ARHGAP15: variants seen among roughly 807,000 people sequenced by gnomAD.
ARHGAP15 encodes the protein rho GTPase-activating protein 15.
A neutral mutation model predicts 63.7 loss-of-function variants in ARHGAP15; 51 were observed. The observed-to-expected ratio is 0.80, with a 90% CI of 0.64 to 1.01. ARHGAP15 has a LOEUF of 1.01. Ranked by LOEUF, ARHGAP15 falls within the 50% of genes least tolerant of loss-of-function variation. The pLI is 0.00. For synonymous variants in ARHGAP15, 191 were observed against 193.8 expected, an observed-to-expected ratio of 0.99 and a Z score of 0.12; for missense variants, 560 against 564.6, an observed-to-expected ratio of 0.99 and a Z score of 0.08.
At chr2:143,318,535 T>TTTTC (rs1254371914) in intron 6 of ARHGAP15, among the ~76,000 whole-genome samples, 5 of 123,338 alleles carry the variant, frequency 4.1e-5, no homozygotes, top group African/African-American at 1.7e-4. Flanking sequence ...TTTTTTTTTT[T>TTTTC]CGAACAGTCA....
chr2:143,322,987 A>T (rs550886210), intron 6 of ARHGAP15, among the ~76,000 whole-genome samples: 1 of 152,328 alleles, frequency 6.6e-6, no homozygotes, highest in South Asian at 2.1e-4. Flanking sequence ...TTGGAAATAA[A>T]GTTTGGTGCT....
chr2:143,306,209 T>G (rs1044799975), intron 6 of ARHGAP15, among the ~76,000 whole-genome samples: 1 of 152,062 alleles, frequency 6.6e-6, no homozygotes. Flanking sequence ...CTTAATATAT[T>G]TACCAAAAAT....
intron 6 of ARHGAP15, among the ~76,000 whole-genome samples, chr2:143,361,970 CTAGTGTTA>C: frequency 6.6e-6 from 1 of 152,194 alleles, no homozygotes; most frequent in East Asian, 1.9e-4. Flanking sequence ...GCTTATCTCT[CTAGTGTTA>C]TATCCTATGC....
chr2:143,487,495 G>T lies in ARHGAP15; in HGVS notation c.826G>T (p.Asp276Tyr), dbSNP rs1410910134. 1.2e-6 allele frequency: 2 copies of T among 1,611,334 alleles called. No homozygotes were observed. The highest frequency in any genetic ancestry group is 1.7e-4 in the Middle Eastern group (1 of 6,038). ...TCTGCAAGAAAAAGGACTTATTAAA[G>T]GTACAGGTCATTTTATACTTGTACT... is the stretch of plus-strand genomic sequence containing the variant. ...KTLQEKGLIK[D>Y]QIFGSHLHKV... is the part of the protein sequence containing the mutation. Residue 276 changes from aspartate (D) to tyrosine (Y), a missense_variant and splice_region_variant, in exon 9 of 14, where the codon GAT (aspartate) becomes TAT (tyrosine). Coordinates refer to ENST00000295095, the MANE Select transcript of ARHGAP15 (RefSeq NM_018460.4).
At chr2:143,163,806 C>A (rs1195201647) in intron 2 of ARHGAP15, among the ~76,000 whole-genome samples, 1 of 152,044 alleles carries the variant, frequency 6.6e-6, no homozygotes, top group Non-Finnish European at 1.5e-5. Context: ...TAAGTGGGGG[C>A]GGCGGTGTGT....
At chr2:143,550,554 C>G (rs1695513583) in intron 10 of ARHGAP15, among the ~76,000 whole-genome samples, 1 of 152,150 alleles carries the variant, frequency 6.6e-6, no homozygotes, top group African/African-American at 2.4e-5. Context: ...TTGTATTAAC[C>G]ACGTTTCAAG....
At position 143,153,834 on chromosome 2, in the gene ARHGAP15, T is replaced by TCCTCC. The variant is rs1558779487; in HGVS notation, c.-14-1643_-14-1642insCCTCC. On this transcript the variant is annotated intron_variant, in intron 1 of 13. Transcript: ENST00000295095. Reference sequence around the variant, plus strand: ...CTTCTTCTTCTTCTTCTTCTTCTTCTTCTTCTTCTTCCTCCTCCTCCTCCT... The same window carrying TCCTCC: ...CTTCTTCTTCTTCTTCTTCTTCTTCTCCTCCTCTTCTTCTTCCTCCTCCTCCTCCT... Among the ~76,000 whole-genome samples, 643 of 71,672 alleles carry TCCTCC rather than the reference T, an allele frequency of 9.0e-3. 34 individuals carry two copies. Among genetic ancestry groups the TCCTCC allele is most frequent in the Non-Finnish European group, 0.014 (496 of 36,094 alleles). 47.0% of individuals were successfully genotyped at this position (71,672 alleles called of 152,430 possible).
At chr2:143,624,009 A>G in intron 11 of ARHGAP15, 124 bp from the exon 12 acceptor site, 2 of 1,159,108 alleles carry the variant, frequency 1.7e-6, no homozygotes, top group Non-Finnish European at 2.4e-6. Context: ...ACAGCACCAA[A>G]CCTCTAGGTG....
At chr2:143,235,958 A>T in intron 5 of ARHGAP15, 1 of 1,546,760 alleles carries the variant, frequency 6.5e-7, no homozygotes, top group Non-Finnish European at 8.7e-7. Context: ...CTTCTGCTTG[A>T]TGTGTTCAGG....
At chr2:143,528,154 C>T (rs561618636) in intron 10 of ARHGAP15, among the ~76,000 whole-genome samples, 1 of 152,162 alleles carries the variant, frequency 6.6e-6, no homozygotes, top group South Asian at 2.1e-4. Context: ...AGTCATATCC[C>T]ATTAGGCATT....
chr2:143,284,057 C>T (rs1414531875), intron 6 of ARHGAP15, among the ~76,000 whole-genome samples: 2 of 152,144 alleles, frequency 1.3e-5, no homozygotes, highest in African/African-American at 4.8e-5. Flanking sequence ...TTCTCCACCC[C>T]TCGATCGCCT....
chr2:143,709,703 TAAATA>T, intron 13 of ARHGAP15, among the ~76,000 whole-genome samples: 1 of 152,082 alleles, frequency 6.6e-6, no homozygotes, highest in Non-Finnish European at 1.5e-5. Context: ...TCATGGATAT[TAAATA>T]AAATATTCTA....
chr2:143,224,002 C>T (rs1195402124), intron 4 of ARHGAP15, among the ~76,000 whole-genome samples: 1 of 152,180 alleles, frequency 6.6e-6, no homozygotes, highest in Non-Finnish European at 1.5e-5. Flanking sequence ...TATTTTCCAT[C>T]TCTTTTCAGC....
chr2:143,525,767 G>C (rs1025492353), intron 10 of ARHGAP15, among the ~76,000 whole-genome samples: 1 of 152,016 alleles, frequency 6.6e-6, no homozygotes, highest in Non-Finnish European at 1.5e-5. Flanking sequence ...TTTAGGGCTC[G>C]AGGGGAAGAC....
At chr2:143,557,045 C>T (rs374716937) in intron 11 of ARHGAP15, among the ~76,000 whole-genome samples, 20 of 151,952 alleles carry the variant, frequency 1.3e-4, no homozygotes, top group African/African-American at 1.7e-4. Context: ...TCATTGCTGG[C>T]GGAAGTGCGA....
At chr2:143,364,297 C>T (rs966834588) in intron 6 of ARHGAP15, among the ~76,000 whole-genome samples, 2 of 151,838 alleles carry the variant, frequency 1.3e-5, no homozygotes, top group African/African-American at 4.8e-5. Context: ...TACTCTTGTG[C>T]TATTATATAA....
At chr2:143,367,978 T>C (rs1686368843) in intron 6 of ARHGAP15, among the ~76,000 whole-genome samples, 1 of 152,066 alleles carries the variant, frequency 6.6e-6, no homozygotes, top group Admixed American at 6.5e-5. Flanking sequence ...GAAAGATCAA[T>C]GGACAAAGGC....
intron 6 of ARHGAP15, among the ~76,000 whole-genome samples, chr2:143,255,029 T>C (rs1680350763): frequency 2.0e-5 from 3 of 152,130 alleles, no homozygotes; most frequent in Admixed American, 2.0e-4. Context: ...AAATCATTTT[T>C]ACTCTAAAAA....
At chr2:143,290,115 C>A (rs944672563) in intron 6 of ARHGAP15, among the ~76,000 whole-genome samples, 1 of 152,052 alleles carries the variant, frequency 6.6e-6, no homozygotes, top group African/African-American at 2.4e-5. Context: ...AAGCTCAAAG[C>A]AGATAGCAAA....
Sources: allele counts gnomAD v4.1 joint callset (sites outside exome capture counted in the v4.1 genomes callset), GRCh38; gene constraint gnomAD v4.1.1; transcripts MANE v1.5; gene names NCBI Gene and HGNC (gene_info 2026-07-23, HGNC 2026-07-21).